MCTP2: variants seen among roughly 807,000 people sequenced by gnomAD.
The protein encoded by MCTP2 is multiple C2 and transmembrane domain containing 2, also known as multiple C2 and transmembrane domain-containing protein 2.
Under a neutral mutation model 111.6 loss-of-function variants are expected in MCTP2, and 132 were observed. That is an observed-to-expected ratio of 1.18 (90% CI 1.03 to 1.37). MCTP2 has a LOEUF of 1.37. Ranked by LOEUF, MCTP2 falls within the 40% of genes most tolerant of loss-of-function variation. The pLI, the probability that MCTP2 is intolerant of heterozygous loss-of-function variation, is 0.00. For missense variants in MCTP2, 1,183 were observed against 1,067.9 expected (o/e 1.11, Z -1.50); for synonymous variants, 395 against 387.7 (o/e 1.02, Z -0.22).
At chr15:94,448,504 C>T (rs1488846737) in intron 19 of MCTP2, among the ~76,000 whole-genome samples, 2 of 152,014 alleles carry the variant, frequency 1.3e-5, no homozygotes, top group African/African-American at 2.4e-5. Flanking sequence ...CCAAAATGCC[C>T]CAGAATTTGA....
At chr15:94,255,269 C>T (rs1348836823) in intron 1 of MCTP2, among the ~76,000 whole-genome samples, 1 of 152,080 alleles carries the variant, frequency 6.6e-6, no homozygotes, top group Non-Finnish European at 1.5e-5. Context: ...CTAACAGGTG[C>T]TTTAGAGACC....
chr15:94,286,404 A>G (rs1199780214), intron 1 of MCTP2, among the ~76,000 whole-genome samples: 3 of 152,112 alleles, frequency 2.0e-5, no homozygotes, highest in Non-Finnish European at 2.9e-5. Context: ...TTCGACTGGT[A>G]AGAAAAACAA....
intron 17 of MCTP2, among the ~76,000 whole-genome samples, chr15:94,403,726 T>C (rs2081730745): frequency 6.6e-6 from 1 of 152,218 alleles, no homozygotes; most frequent in Non-Finnish European, 1.5e-5. Flanking sequence ...CTCTGAGGGA[T>C]TCCTCACTGC....
chr15:94,258,434 C>T (rs1397059973), intron 1 of MCTP2, among the ~76,000 whole-genome samples: 7 of 152,124 alleles, frequency 4.6e-5, no homozygotes, highest in Admixed American at 2.6e-4. Flanking sequence ...GTGTCTACTT[C>T]TGAAAATGCA....
At chr15:94,270,862 A>G (rs1001264804) in intron 1 of MCTP2, among the ~76,000 whole-genome samples, 3 of 152,132 alleles carry the variant, frequency 2.0e-5, no homozygotes, top group African/African-American at 7.2e-5. Context: ...GACAGAAATT[A>G]TTGTCTGTCT....
At chr15:94,377,133 A>G (rs1228964487) in intron 12 of MCTP2, among the ~76,000 whole-genome samples, 2 of 152,166 alleles carry the variant, frequency 1.3e-5, no homozygotes, top group Non-Finnish European at 2.9e-5. Flanking sequence ...CAGAAGAGGA[A>G]TAGTCTCATG....
intron 1 of MCTP2, among the ~76,000 whole-genome samples, chr15:94,283,707 G>A (rs145392962): frequency 6.6e-6 from 1 of 152,216 alleles, no homozygotes; most frequent in Non-Finnish European, 1.5e-5. Context: ...CTGAAGATCT[G>A]TTCAGAATAT....
intron 1 of MCTP2, among the ~76,000 whole-genome samples, chr15:94,245,274 ACG>A (rs1491155792): frequency 1.8e-4 from 24 of 136,830 alleles, no homozygotes; most frequent in Admixed American, 3.7e-4. Flanking sequence ...ATGTGTATAT[ACG>A]TATATACACA....
At chr15:94,337,173 C>T (rs528395566) in intron 4 of MCTP2, among the ~76,000 whole-genome samples, 10 of 152,250 alleles carry the variant, frequency 6.6e-5, no homozygotes, top group Admixed American at 5.2e-4. Flanking sequence ...TCAAATTTTC[C>T]CTAACAATTA....
intron 8 of MCTP2, among the ~76,000 whole-genome samples, chr15:94,347,808 A>G (rs1200102111): frequency 6.6e-6 from 1 of 152,200 alleles, no homozygotes; most frequent in Non-Finnish European, 1.5e-5. Flanking sequence ...TATAAAGACA[A>G]AAAAGCAATG....
intron 18 of MCTP2, among the ~76,000 whole-genome samples, chr15:94,442,182 TTC>T (rs1267129324): frequency 6.6e-6 from 1 of 152,230 alleles, no homozygotes; most frequent in Non-Finnish European, 1.5e-5. Context: ...ACACTGAGCT[TTC>T]TTTCCAAACT....
intron 17 of MCTP2, among the ~76,000 whole-genome samples, chr15:94,430,577 CAAAAAAAAA>C (rs11289166): frequency 4.1e-5 from 4 of 96,690 alleles, no homozygotes. Flanking sequence ...ACTAAAAATA[CAAAAAAAAA>C]AAAAAAAAAA....
intron 7 of MCTP2, chr15:94,342,922 ATATG>A (rs2077736143): frequency 8.2e-6 from 1 of 121,422 alleles, no homozygotes; most frequent in South Asian, 2.6e-4. Flanking sequence ...ATGGAGATAT[ATATG>A]TATGTGTGTG....
chr15:94,327,666 C>G (rs1270195051), intron 4 of MCTP2, among the ~76,000 whole-genome samples: 1 of 152,210 alleles, frequency 6.6e-6, no homozygotes, highest in African/African-American at 2.4e-5. Flanking sequence ...AGTGGTTTTC[C>G]TTCACTCTTT....
intron 20 of MCTP2, among the ~76,000 whole-genome samples, chr15:94,462,001 G>A (rs2085243924): frequency 6.6e-6 from 1 of 152,184 alleles, no homozygotes; most frequent in South Asian, 2.1e-4. Flanking sequence ...CATATGTGAA[G>A]GAAAGCCTTT....
chr15:94,445,750 G>A (rs1567722794), intron 19 of MCTP2, among the ~76,000 whole-genome samples: 1 of 152,150 alleles, frequency 6.6e-6, no homozygotes, highest in Non-Finnish European at 1.5e-5. Context: ...ATGCTTCTGG[G>A]AACTGTAACA....
chr15:94,471,523 T>C (rs2073926418), intron 21 of MCTP2, among the ~76,000 whole-genome samples: 1 of 152,140 alleles, frequency 6.6e-6, no homozygotes, highest in African/African-American at 2.4e-5. Flanking sequence ...ATAGAGTAGC[T>C]CATACAATTA....
At chr15:94,285,116 G>GA (rs1253354185) in intron 1 of MCTP2, among the ~76,000 whole-genome samples, 1 of 152,156 alleles carries the variant, frequency 6.6e-6, no homozygotes, top group East Asian at 1.9e-4. Context: ...AAGTGGATGA[G>GA]AAAATCTGGA....
chr15:94,340,754 G>C (rs2077593301), intron 6 of MCTP2, 59 bp from the exon 7 acceptor site: 2 of 1,037,644 alleles, frequency 1.9e-6, no homozygotes, highest in Non-Finnish European at 2.9e-6. Context: ...CCTGATGCGT[G>C]TAGGTCAATA....
Sources: allele counts gnomAD v4.1 joint callset (sites outside exome capture counted in the v4.1 genomes callset), GRCh38; gene constraint gnomAD v4.1.1; transcripts MANE v1.5; gene names NCBI Gene and HGNC (gene_info 2026-07-23, HGNC 2026-07-21).